MDFIC: variants seen among roughly 807,000 people sequenced by gnomAD.
MDFIC encodes the protein myoD family inhibitor domain-containing protein.
MDFIC carries 17 observed loss-of-function variants against 23.2 expected under a neutral mutation model. That is an observed-to-expected ratio of 0.73 (90% CI 0.50 to 1.10). MDFIC has a LOEUF of 1.10. Ranked by LOEUF, MDFIC falls within the 50% of genes least tolerant of loss-of-function variation. The pLI, the probability that MDFIC is intolerant of heterozygous loss-of-function variation, is 0.00. For missense variants in MDFIC, 356 were observed against 316.6 expected (o/e 1.12, Z -0.95); for synonymous variants, 120 against 115.2 (o/e 1.04, Z -0.27).
intron 4 of MDFIC, among the ~76,000 whole-genome samples, chr7:114,980,660 A>G (rs967152009): frequency 2.6e-5 from 4 of 152,070 alleles, no homozygotes; most frequent in Non-Finnish European, 5.9e-5. Context: ...TTTAGCAGTT[A>G]TTGGATGTCT....
intron 3 of MDFIC, among the ~76,000 whole-genome samples, chr7:114,975,561 CTTTT>C (rs5886744): frequency 6.8e-6 from 1 of 147,610 alleles, no homozygotes; most frequent in African/African-American, 2.5e-5. Context: ...TATTAGCATG[CTTTT>C]TTTTTTTTTA....
intron 3 of MDFIC, among the ~76,000 whole-genome samples, chr7:114,951,507 A>G (rs978499148): frequency 6.6e-6 from 1 of 152,218 alleles, no homozygotes; most frequent in African/African-American, 2.4e-5. Flanking sequence ...GGAAAGATTA[A>G]TATCAAATTA....
intron 2 of MDFIC, among the ~76,000 whole-genome samples, chr7:114,941,888 C>T (rs1225939660): frequency 1.3e-5 from 2 of 152,180 alleles, no homozygotes; most frequent in East Asian, 3.9e-4. Flanking sequence ...GTCTCTACCA[C>T]TCATCAGAGC....
At position 114,945,199 on chromosome 7, in the gene MDFIC, G is replaced by A. The variant is rs1251681516; in HGVS notation, c.217+2802G>A. Among the ~76,000 whole-genome samples, 4 of 152,174 alleles carry A rather than the reference G, an allele frequency of 2.6e-5. No homozygotes were observed. In the East Asian group the frequency reaches 5.8e-4, roughly 22 times the overall value. ...GCTGCCTTCTTTGCCGGACACTCAA[G>A]GCATAATTTATAGGGGACTGTTAGC... is the stretch of plus-strand genomic sequence containing the variant. On this transcript the variant is annotated intron_variant, in intron 3 of 4. Coordinates refer to ENST00000393486, the MANE Select transcript of MDFIC (RefSeq NM_001166345.3).
intron 3 of MDFIC, among the ~76,000 whole-genome samples, chr7:114,976,593 A>C (rs1006154493): frequency 1.3e-5 from 2 of 152,154 alleles, no homozygotes; most frequent in African/African-American, 4.8e-5. Context: ...CTTTTAGACT[A>C]TTATTCCTCT....
chr7:114,932,068 G>A (rs1287106162), intron 2 of MDFIC, among the ~76,000 whole-genome samples: 1 of 152,146 alleles, frequency 6.6e-6, no homozygotes, highest in Non-Finnish European at 1.5e-5. Context: ...CAATACATAA[G>A]ATCTGAGGGG....
At chr7:115,007,621 C>CGTGTGTGT (rs1415340567) in intron 4 of MDFIC, among the ~76,000 whole-genome samples, 5 of 74,746 alleles carry the variant, frequency 6.7e-5, no homozygotes, top group African/African-American at 2.4e-4. Context: ...ATCTAGTGTG[C>CGTGTGTGT]GTGTGTGTGT....
chr7:114,948,656 T>G (rs867651697), intron 3 of MDFIC, among the ~76,000 whole-genome samples: 8 of 152,172 alleles, frequency 5.3e-5, no homozygotes, highest in Non-Finnish European at 8.8e-5. Context: ...CATATTATTC[T>G]CTGCCTTTCT....
rs562267903 is a variant in MDFIC at position 114,978,541 on chromosome 7, A to G, written c.218-965A>G. 7.3e-5 allele frequency among the ~76,000 whole-genome samples: 11 copies of G among 151,644 alleles called. No individual in the cohort carries two copies. The East Asian group carries it at 2.1e-3, about 29-fold the overall frequency. On this transcript the variant is annotated intron_variant, in intron 3 of 4. Transcript: ENST00000393486. ...TTGGCTTGTTCTTTCTTTTTTTGCT[A>G]TTGTGAAGAGTTATTTTTCTTGTTT...
intron 3 of MDFIC, among the ~76,000 whole-genome samples, chr7:114,954,353 A>G (rs1033265788): frequency 6.6e-6 from 1 of 152,222 alleles, no homozygotes; most frequent in Non-Finnish European, 1.5e-5. Flanking sequence ...TCTGCAAATG[A>G]TCTTTCATGA....
chr7:115,010,950 GA>G, intron 4 of MDFIC, among the ~76,000 whole-genome samples: 1 of 152,148 alleles, frequency 6.6e-6, no homozygotes. Flanking sequence ...TTATTAAAAT[GA>G]AAATTCAGAA....
Position 114,966,979 on chromosome 7 carries a change from TA to T in MDFIC, c.218-12520del, listed in dbSNP as rs535959195. Among the ~76,000 whole-genome samples, 8 of 152,170 alleles carry T rather than the reference TA, an allele frequency of 5.3e-5. No individual in the cohort carries two copies. The South Asian group carries it at 1.0e-3, about 20-fold the overall frequency. On this transcript the variant is annotated intron_variant, in intron 3 of 4. Transcript: ENST00000393486. ...CAAAAAGGCGTATTGGATTTTTTTT[TA>T]AAAAAATATATCTACTTAGAGCAAA...
rs201510608 is a variant in MDFIC at position 114,922,990 on chromosome 7, G to T, written c.-44G>T. On this transcript the variant is annotated 5_prime_UTR_variant, in exon 2 of 5. Transcript: ENST00000393486. Reference sequence around the variant, plus strand: ...TCCTCCGTGCGCCCTGCCGGGCGGCGAGCTAGGCGGCAGCGGCGCGGCGCG... The same window carrying T: ...TCCTCCGTGCGCCCTGCCGGGCGGCTAGCTAGGCGGCAGCGGCGCGGCGCG... The T allele has an allele frequency of 2.0e-6, 3 of 1,528,652 alleles. No individual in the cohort carries two copies. Among genetic ancestry groups the T allele is most frequent in the East Asian group, 5.5e-5 (2 of 36,548 alleles). The allele number at this position is 1,528,652 out of a possible 1,614,324, so 94.7% of individuals were successfully genotyped here.
chr7:114,976,410 T>C (rs1793315731), intron 3 of MDFIC, among the ~76,000 whole-genome samples: 1 of 152,144 alleles, frequency 6.6e-6, no homozygotes, highest in African/African-American at 2.4e-5. Context: ...ACTAGCTTTA[T>C]GTTCAATAGC....
intron 4 of MDFIC, among the ~76,000 whole-genome samples, chr7:115,008,846 G>C (rs988896372): frequency 6.6e-6 from 1 of 152,186 alleles, no homozygotes; most frequent in Non-Finnish European, 1.5e-5. Context: ...GGAAAGAACA[G>C]TCACAGTAAA....
chr7:115,007,814 C>T (rs1289827581), intron 4 of MDFIC, among the ~76,000 whole-genome samples: 1 of 147,286 alleles, frequency 6.8e-6, no homozygotes, highest in Non-Finnish European at 1.5e-5. Flanking sequence ...CCCCGACCCC[C>T]TCCCCAAAAT....
chr7:115,003,218 T>C (rs566475512), intron 4 of MDFIC, among the ~76,000 whole-genome samples: 1 of 152,250 alleles, frequency 6.6e-6, no homozygotes, highest in East Asian at 1.9e-4. Flanking sequence ...TTACCTTGAA[T>C]CCCTTGTCAC....
At chr7:114,999,901 T>C (rs1051052454) in intron 4 of MDFIC, among the ~76,000 whole-genome samples, 6 of 152,204 alleles carry the variant, frequency 3.9e-5, no homozygotes. Context: ...TAGTAGTACC[T>C]GTGTCTTTGT....
chr7:114,946,380 G>A (rs891739382), intron 3 of MDFIC, among the ~76,000 whole-genome samples: 2 of 152,140 alleles, frequency 1.3e-5, no homozygotes, highest in East Asian at 3.9e-4. Flanking sequence ...AGTGCCTCAG[G>A]TCTCTATCTC....
Sources: gnomAD v4.1 joint callset for allele counts (sites outside exome capture counted in the v4.1 genomes callset) on GRCh38, gnomAD v4.1.1 for gene constraint, MANE v1.5 for transcripts, NCBI Gene and HGNC (gene_info 2026-07-23, HGNC 2026-07-21) for gene names.